WASF3: variants seen among roughly 807,000 people sequenced by gnomAD.
The protein encoded by WASF3 is actin-binding protein WASF3.
Under a neutral mutation model 46.6 loss-of-function variants are expected in WASF3, and 11 were observed. That is an observed-to-expected ratio of 0.24 (90% confidence interval 0.15 to 0.39). The LOEUF is 0.39. WASF3 is among the 10% of genes least tolerant of loss of function. The pLI is 1.00. For missense variants in WASF3, 576 were observed against 669.8 expected, an observed-to-expected ratio of 0.86 and a Z score of 1.55; for synonymous variants, 242 against 259.7, an observed-to-expected ratio of 0.93 and a Z score of 0.65.
intron 1 of WASF3, chr13:26,576,860 G>T: frequency 1.6e-6 from 1 of 624,188 alleles, no homozygotes. Flanking sequence ...TATCAAAACC[G>T]CCCTTTTGGC....
intron 2 of WASF3, among the ~76,000 whole-genome samples, chr13:26,632,730 T>C (rs1881689925): frequency 6.6e-6 from 1 of 152,210 alleles, no homozygotes; most frequent in South Asian, 2.1e-4. Flanking sequence ...TCGATTGGAA[T>C]CGTTTCAGAA....
chr13:26,553,971 C>G (rs1879024472), upstream of WASF3, among the ~76,000 whole-genome samples: 2 of 151,666 alleles, frequency 1.3e-5, no homozygotes, highest in African/African-American at 2.4e-5. Flanking sequence ...TCAGGAAAAC[C>G]TCCCCAAAAC....
At chr13:26,597,049 C>T (rs867143916) in intron 1 of WASF3, among the ~76,000 whole-genome samples, 2 of 152,202 alleles carry the variant, frequency 1.3e-5, no homozygotes, top group Non-Finnish European at 1.5e-5. Context: ...CTGGTTGCAA[C>T]ATCAGGATCA....
At chr13:26,597,848 C>G (rs1327824164) in intron 1 of WASF3, among the ~76,000 whole-genome samples, 1 of 152,182 alleles carries the variant, frequency 6.6e-6, no homozygotes, top group Non-Finnish European at 1.5e-5. Flanking sequence ...GCCACATTTT[C>G]TTAATCCAGT....
chr13:26,609,959 A>G (rs900966981), intron 1 of WASF3, among the ~76,000 whole-genome samples: 1 of 152,204 alleles, frequency 6.6e-6, no homozygotes, highest in Non-Finnish European at 1.5e-5. Context: ...TTAAATGAAC[A>G]TTAGTTAAAA....
the WASF3 span, among the ~76,000 whole-genome samples, chr13:26,543,221 C>T: frequency 2.6e-5 from 4 of 152,120 alleles, no homozygotes; most frequent in African/African-American, 9.7e-5. Flanking sequence ...TGGAAGCATT[C>T]CTGCTTTTCT....
chr13:26,610,886 A>G (rs887566744), intron 1 of WASF3, among the ~76,000 whole-genome samples: 2 of 152,212 alleles, frequency 1.3e-5, no homozygotes, highest in African/African-American at 2.4e-5. Flanking sequence ...AAATGAGGCT[A>G]CGTATTCACA....
At chr13:26,590,543 T>C (rs979464509) in intron 1 of WASF3, among the ~76,000 whole-genome samples, 8 of 151,808 alleles carry the variant, frequency 5.3e-5, no homozygotes, top group Admixed American at 1.3e-4. Context: ...AAAAGTAATC[T>C]GGATGGGATT....
chr13:26,612,412 G>A (rs1881007192), intron 1 of WASF3, among the ~76,000 whole-genome samples: 1 of 152,196 alleles, frequency 6.6e-6, no homozygotes, highest in Non-Finnish European at 1.5e-5. Flanking sequence ...TGCTGTTAAT[G>A]TCCAGTGTCC....
intron 3 of WASF3, among the ~76,000 whole-genome samples, chr13:26,662,202 TGG>T (rs2137458795): frequency 6.6e-6 from 1 of 152,364 alleles, no homozygotes; most frequent in South Asian, 2.1e-4. Context: ...GTAAACATGG[TGG>T]GAATGTAAAT....
At chr13:26,647,362 G>A (rs915042556) in intron 3 of WASF3, among the ~76,000 whole-genome samples, 1 of 152,080 alleles carries the variant, frequency 6.6e-6, no homozygotes, top group African/African-American at 2.4e-5. Flanking sequence ...ACAGTTTTAG[G>A]TGTGTTACTT....
At chr13:26,648,183 G>T (rs1424669923) in intron 3 of WASF3, among the ~76,000 whole-genome samples, 2 of 152,090 alleles carry the variant, frequency 1.3e-5, no homozygotes, top group African/African-American at 4.8e-5. Context: ...AATGAGCAGG[G>T]ATAGTCGTCA....
intron 1 of WASF3, among the ~76,000 whole-genome samples, chr13:26,561,270 G>A (rs1227093609): frequency 6.6e-6 from 1 of 152,094 alleles, no homozygotes; most frequent in African/African-American, 2.4e-5. Context: ...GAAGAGGGAA[G>A]GCTTGAAGCA....
In WASF3 at chr13:26,661,280, C is replaced by G. The variant is rs1160115727; in HGVS notation, c.134-3748C>G. Among the ~76,000 whole-genome samples, 4 of 152,202 alleles carry G rather than the reference C, an allele frequency of 2.6e-5. No homozygotes were observed. In the South Asian group the frequency reaches 8.3e-4, roughly 32 times the overall value. ...GCGCTCGTTACAGAACTCCCCATTT[C>G]CCTCTTCCTCTGACCCCTGGCAACC... On this transcript the variant is annotated intron_variant, in intron 3 of 9. Transcript: ENST00000335327.
intron 2 of WASF3, 33 bp downstream of exon 2, chr13:26,613,091 T>C (rs1156505531): frequency 6.6e-6 from 1 of 151,922 alleles, no homozygotes; most frequent in Admixed American, 6.6e-5. Flanking sequence ...CTTAAAGCCA[T>C]TTAATTTCTG....
At chr13:26,560,475 T>C (rs966458789) in intron 1 of WASF3, among the ~76,000 whole-genome samples, 1 of 152,180 alleles carries the variant, frequency 6.6e-6, no homozygotes, top group African/African-American at 2.4e-5. Context: ...TTCCATTTAA[T>C]ACTGTAGATG....
chr13:26,666,703 TC>T (rs1302575852), intron 4 of WASF3, among the ~76,000 whole-genome samples: 8 of 151,876 alleles, frequency 5.3e-5, no homozygotes, highest in African/African-American at 1.9e-4. Flanking sequence ...ATCAAGACCA[TC>T]CTGGCTAACA....
At chr13:26,628,862 C>T (rs1169213802) in intron 2 of WASF3, among the ~76,000 whole-genome samples, 4 of 152,166 alleles carry the variant, frequency 2.6e-5, no homozygotes, top group African/African-American at 7.2e-5. Context: ...CAGCCCTAGG[C>T]GCCTAAGCCC....
chr13:26,594,073 C>A (rs886621554), intron 1 of WASF3, among the ~76,000 whole-genome samples: 7 of 152,190 alleles, frequency 4.6e-5, no homozygotes, highest in African/African-American at 9.7e-5. Flanking sequence ...AGGCTCTTAA[C>A]ATATAATGAC....
Sources: allele counts gnomAD v4.1 joint callset (sites outside exome capture counted in the v4.1 genomes callset), GRCh38; gene constraint gnomAD v4.1.1; transcripts MANE v1.5; gene names NCBI Gene and HGNC (gene_info 2026-07-23, HGNC 2026-07-21).